Variants in PCDHGA4 observed in about 807,000 individuals in gnomAD.
PCDHGA4 encodes the protein protocadherin gamma-A4.
PCDHGA4 carries 38 observed loss-of-function variants against 54.6 expected under a neutral mutation model. The observed-to-expected ratio is 0.70, with a 90% confidence interval of 0.54 to 0.91. The LOEUF (loss-of-function observed/expected upper bound fraction) is 0.91. PCDHGA4 is among the 40% of genes least tolerant of loss of function. The probability of loss-of-function intolerance (pLI) is 0.00; values close to 1 mark genes in which losing one functional copy is unlikely to be tolerated. For synonymous variants in PCDHGA4, 511 were observed against 512.9 expected (o/e 1.00, Z 0.05); for missense variants, 1,298 against 1,220.9 (o/e 1.06, Z -0.94).
At chr5:141,407,385 T>A (rs1306044111) in intron 1 of PCDHGA4, among the ~76,000 whole-genome samples, 1 of 152,228 alleles carries the variant, frequency 6.6e-6, no homozygotes, top group South Asian at 2.1e-4. Flanking sequence ...GGCTTGTATG[T>A]CATGGTAGGT....
chr5:141,359,616 T>A (rs1761268936), intron 1 of PCDHGA4, among the ~76,000 whole-genome samples: 2 of 152,006 alleles, frequency 1.3e-5, no homozygotes, highest in South Asian at 2.1e-4. Context: ...GAATATGGTA[T>A]GTTGTATGCT....
chr5:141,408,431 G>A, intron 1 of PCDHGA4: 1 of 1,614,064 alleles, frequency 6.2e-7, no homozygotes. Flanking sequence ...GCACTTCAGC[G>A]TAGACGCGGA....
rs1759725917 is a variant in PCDHGA4 at position 141,355,135 on chromosome 5, C to T, written c.28C>T (p.Pro10Ser). 7 of 1,523,612 alleles carry T rather than the reference C, an allele frequency of 4.6e-6. No homozygotes were observed. In the Middle Eastern group the frequency reaches 9.9e-4, roughly 216 times the overall value. 94.4% of individuals were successfully genotyped at this position (1,523,612 alleles called of 1,614,324 possible). ...GCACTTTATTTTGGACCCAGAAGAT[C>T]CTGGGGCTCCTCAGGCCTCGACAGA... MHFILDPEDPGAPQASTEGK... is the reference protein window; with the variant it reads MHFILDPEDSGAPQASTEGK... The change falls in exon 1 of 4, where the codon CCT becomes TCT. Residue 10 changes from proline (P) to serine (S), a missense_variant. Pro to Ser is a moderately conservative substitution (Grantham distance 74). Transcript: ENST00000571252.
chr5:141,439,390 C>T (rs528547728), intron 1 of PCDHGA4, among the ~76,000 whole-genome samples: 1 of 152,266 alleles, frequency 6.6e-6, no homozygotes, highest in South Asian at 2.1e-4. Flanking sequence ...GTCATCACTT[C>T]GACTTCATGT....
rs763097687 is a variant in PCDHGA4 at position 141,489,361 on chromosome 5, C to G, written c.2515-5446C>G. On this transcript the variant is annotated intron_variant, in intron 1 of 3. Transcript: ENST00000571252. This position sits in a 1 kb window ranked among gnomAD's most constrained non-coding sequence, Gnocchi z 4.5. Reference sequence around the variant, plus strand: ...TTACTCAGTGGTGGAGGAGTCTGAGCCGGGGACGCTGGTGGGGAATGTTGC... The same window carrying G: ...TTACTCAGTGGTGGAGGAGTCTGAGGCGGGGACGCTGGTGGGGAATGTTGC... 6.2e-7 allele frequency: 1 copy of G among 1,612,762 alleles called. No homozygotes were observed. Among genetic ancestry groups the G allele is most frequent in the African/African-American group, 1.3e-5 (1 of 74,874 alleles).
At chr5:141,382,988 G>A (rs958046112) in intron 1 of PCDHGA4, 1 of 1,613,208 alleles carries the variant, frequency 6.2e-7, no homozygotes, top group East Asian at 2.2e-5. Context: ...TGGGCAGGAC[G>A]TATTCTCTAC....
At chr5:141,419,782 C>T (rs765128711) in intron 1 of PCDHGA4, 9 of 1,614,058 alleles carry the variant, frequency 5.6e-6, no homozygotes, top group Non-Finnish European at 7.6e-6. Flanking sequence ...TCCGCCAGCG[C>T]CTGCTAGTCG....
rs544565104 is a variant in PCDHGA4, at chr5:141,489,014, G to A, written c.2515-5793G>A. 2.5e-5 allele frequency: 11 copies of A among 433,976 alleles called. No individual in the cohort carries two copies. The highest frequency in any genetic ancestry group is 1.6e-4 in the Admixed American group (4 of 25,754). The allele number at this position is 433,976 out of a possible 1,614,324, so 26.9% of individuals were successfully genotyped here. On this transcript the variant is annotated intron_variant, in intron 1 of 3. Coordinates refer to ENST00000571252, the MANE Select transcript of PCDHGA4 (RefSeq NM_018917.4). This position sits in a 1 kb window ranked among gnomAD's most constrained non-coding sequence, Gnocchi z 4.5. ...GGTGGGAGATCTGCTCTTCCAGCCC[G>A]CCTCTCCTCCTCCAGCTCCCCAGCT... is the stretch of plus-strand genomic sequence containing the variant.
rs749822569 is a variant in PCDHGA4, at chr5:141,371,950, C to G, written c.2514+14329C>G. On this transcript the variant is annotated intron_variant, in intron 1 of 3. Coordinates refer to ENST00000571252, the MANE Select transcript of PCDHGA4 (RefSeq NM_018917.4). Reference sequence around the variant, plus strand: ...AGCGGGGTGGTGTTCGCGCAGCGAGCCTTCGACCACGAGCAGCTGCGTGCC... The same window carrying G: ...AGCGGGGTGGTGTTCGCGCAGCGAGGCTTCGACCACGAGCAGCTGCGTGCC... 3.1e-6 allele frequency: 5 copies of G among 1,613,168 alleles called. No homozygotes were observed. The highest frequency in any genetic ancestry group is 4.2e-6 in the Non-Finnish European group (5 of 1,179,884).
chr5:141,486,346 C>G lies in PCDHGA4; in HGVS notation c.2515-8461C>G. 1 of 1,614,120 alleles carries G rather than the reference C, an allele frequency of 6.2e-7. No individual in the cohort carries two copies. Among genetic ancestry groups the G allele is most frequent in the East Asian group, 2.2e-5 (1 of 44,874 alleles). ...GAGATGTGAGCCTCCGCATTCCTGA[C>G]CACTTGCCATTTGCCCTCAAGTCTG... On this transcript the variant is annotated intron_variant, in intron 1 of 3. Coordinates refer to ENST00000571252, the MANE Select transcript of PCDHGA4 (RefSeq NM_018917.4). This position sits in a 1 kb window ranked among gnomAD's most constrained non-coding sequence, Gnocchi z 5.0.
At position 141,486,426 on chromosome 5, in the gene PCDHGA4, A is replaced by T; in HGVS notation, c.2515-8381A>T. 6.2e-7 allele frequency: 1 copy of T among 1,614,190 alleles called. No homozygotes were observed. The highest frequency in any genetic ancestry group is 8.5e-7 in the Non-Finnish European group (1 of 1,180,026). ...GCTGGACCCTTGGATCGAGAGGCCA[A>T]ATCTAGCTATGACATCATGGTCACT... On this transcript the variant is annotated intron_variant, in intron 1 of 3. Coordinates refer to ENST00000571252, the MANE Select transcript of PCDHGA4 (RefSeq NM_018917.4). This position sits in a 1 kb window ranked among gnomAD's most constrained non-coding sequence, Gnocchi z 5.0.
chr5:141,498,053 G>A (rs2099781284), intron 2 of PCDHGA4, among the ~76,000 whole-genome samples: 1 of 152,204 alleles, frequency 6.6e-6, no homozygotes, highest in Non-Finnish European at 1.5e-5. Flanking sequence ...AAATAAATGT[G>A]AGACTGAAAC....
In PCDHGA4 at chr5:141,491,169, G is replaced by A. The variant is rs374498014; in HGVS notation, c.2515-3638G>A. The A allele has an allele frequency of 1.2e-6, 2 of 1,614,192 alleles. No homozygotes were observed. Among genetic ancestry groups the A allele is most frequent in the African/African-American group, 1.3e-5 (1 of 75,058 alleles). On this transcript the variant is annotated intron_variant, in intron 1 of 3. Transcript: ENST00000571252. The surrounding 1 kb of genome is among the most constrained non-coding windows in gnomAD (Gnocchi z 6.9). ...TGGAGGATGACTCTGACACCCAGCA[G>A]GTGGTGGTCCTGGTGAGGGACAATG...
intron 1 of PCDHGA4, chr5:141,478,670 C>G: frequency 6.4e-7 from 1 of 1,551,664 alleles, no homozygotes; most frequent in East Asian, 2.4e-5. Flanking sequence ...TTCACACTTT[C>G]AACTGGCCCT....
chr5:141,360,387 A>AC (rs1216903112), intron 1 of PCDHGA4: 2 of 1,613,826 alleles, frequency 1.2e-6, no homozygotes, highest in African/African-American at 2.7e-5. Flanking sequence ...GCGGAGACTT[A>AC]CTTGTGAGTG....
chr5:141,423,456 C>T, intron 1 of PCDHGA4: 1 of 1,613,924 alleles, frequency 6.2e-7, no homozygotes, highest in Non-Finnish European at 8.5e-7. Context: ...ATTTTGTAGG[C>T]GTGGACGGGG....
chr5:141,459,486 G>A (rs764885682), intron 1 of PCDHGA4, among the ~76,000 whole-genome samples: 8 of 152,154 alleles, frequency 5.3e-5, no homozygotes, highest in Admixed American at 3.9e-4. Context: ...GTGCTATTCT[G>A]AATTAAAGTG....
chr5:141,393,922 G>C (rs750880965), intron 1 of PCDHGA4: 16 of 1,613,832 alleles, frequency 9.9e-6, no homozygotes, highest in Middle Eastern at 1.6e-4. Context: ...GCCTTCTTGA[G>C]TGTGCATGAC....
chr5:141,414,649 AT>A (rs1410490912), intron 1 of PCDHGA4: 15 of 1,613,914 alleles, frequency 9.3e-6, no homozygotes, highest in Non-Finnish European at 1.3e-5. Context: ...TGCCCAGATT[AT>A]TTACTCCCTG....
Sources: allele counts gnomAD v4.1 joint callset (sites outside exome capture counted in the v4.1 genomes callset), GRCh38; gene constraint gnomAD v4.1.1; non-coding constraint Gnocchi (gnomAD v3.1); transcripts MANE v1.5; gene names NCBI Gene and HGNC (gene_info 2026-07-23, HGNC 2026-07-21).